Variants in SCO1 observed in about 807,000 individuals in gnomAD.
SCO1 encodes the protein synthesis of cytochrome C oxidase 1.
Under a neutral mutation model 34.0 loss-of-function variants are expected in SCO1, and 23 were observed. The ratio of observed to expected loss-of-function variants is 0.68; its 90% CI spans 0.49 to 0.96. The LOEUF (loss-of-function observed/expected upper bound fraction) is 0.96, where lower values mean the gene tolerates loss of function less well. Among genes scored for constraint, SCO1 ranks in the 40% least tolerant of loss-of-function variants. SCO1 has a pLI of 0.00. For missense variants in SCO1, 404 were observed against 381.6 expected (o/e 1.06, Z -0.49); for synonymous variants, 161 against 145.5 (o/e 1.11, Z -0.77).
chr17:10,697,147 T>C (rs968604512), intron 1 of SCO1, 88 bp downstream of exon 1: 8 of 1,247,800 alleles, frequency 6.4e-6, no homozygotes, highest in South Asian at 1.6e-5. Flanking sequence ...GGCGGAGTAG[T>C]GTCTGAGGTT....
chr17:10,693,039 C>T lies in SCO1; in HGVS notation c.365-78G>A, dbSNP rs147942830. 1,289 of 1,203,190 alleles carry T rather than the reference C, an allele frequency of 1.1e-3. 13 individuals carry two copies. The African/African-American group carries it at 0.013, about 13-fold the overall frequency. The allele number at this position is 1,203,190 out of a possible 1,614,324, so 74.5% of individuals were successfully genotyped here. On this transcript the variant is annotated intron_variant, in intron 2 of 5. Coordinates refer to ENST00000255390, the MANE Select transcript of SCO1 (RefSeq NM_004589.4). ...GGTACTCAAATACCTGACATATGGC[C>T]CGTACTATGCTACTCATGGTGGGGG...
At chr17:10,695,377 TC>T (rs1415372314) in intron 2 of SCO1, among the ~76,000 whole-genome samples, 2 of 152,224 alleles carry the variant, frequency 1.3e-5, no homozygotes, top group Non-Finnish European at 2.9e-5. Flanking sequence ...CCAGATTTCA[TC>T]TTGCCCAGTC....
Position 10,677,230 on chromosome 17 carries a change from C to G in SCO1, c.*3889G>C, listed in dbSNP as rs1256556118. 6.6e-6 allele frequency: 1 copy of G among 152,216 alleles called. No individual in the cohort carries two copies. The highest frequency in any genetic ancestry group is 2.4e-5 in the African/African-American group (1 of 41,432). 9.4% of individuals were successfully genotyped at this position (152,216 alleles called of 1,614,324 possible). On this transcript the variant is annotated 3_prime_UTR_variant, in exon 6 of 6. Coordinates refer to ENST00000255390, the MANE Select transcript of SCO1 (RefSeq NM_004589.4). ...ACTCAGGCTGGAGAATCGCTTGAAC[C>G]TGGGAGGCGGAGGTTGCAGTGAGCC...
intron 4 of SCO1, among the ~76,000 whole-genome samples, chr17:10,689,404 T>C (rs1270012032): frequency 1.3e-5 from 2 of 151,396 alleles, no homozygotes; most frequent in Non-Finnish European, 2.9e-5. Flanking sequence ...AAGATATGTA[T>C]TTGAATGTGT....
chr17:10,683,263 T>C (rs2074633498), intron 5 of SCO1, among the ~76,000 whole-genome samples: 1 of 152,170 alleles, frequency 6.6e-6, no homozygotes, highest in Non-Finnish European at 1.5e-5. Context: ...TATTCTACAG[T>C]ACTTGCTTTC....
rs562033579 is a variant in SCO1, at chr17:10,684,807, C to T, written c.771+1920G>A. Among the ~76,000 whole-genome samples, 11 of 152,366 alleles carry T rather than the reference C, an allele frequency of 7.2e-5. No homozygotes were observed. In the East Asian group the frequency reaches 2.1e-3, roughly 29 times the overall value. ...CTATAAAGACAGAAGTCCGGAAAGT[C>T]CTTTTCCTATGGTTTCCTCTTTTGG... On this transcript the variant is annotated intron_variant, in intron 5 of 5. Coordinates refer to ENST00000255390, the MANE Select transcript of SCO1 (RefSeq NM_004589.4).
Position 10,697,258 on chromosome 17 carries a change from A to C in SCO1, c.250T>G (p.Ser84Ala), listed in dbSNP as rs1301470340. ...ACCCCGGGCTTCGAGGGGCGCGTGG[A>C]GTCTCCGGGGCCCTTCTGCGACCAC... ...PPWSQKGPGD[S>A]TRPSKPGPVS... Residue 84 changes from serine (S) to alanine (A), a missense_variant, in exon 1 of 6, where the codon TCC (serine) becomes GCC (alanine). Coordinates refer to ENST00000255390, the MANE Select transcript of SCO1 (RefSeq NM_004589.4). 7 of 1,562,694 alleles carry C rather than the reference A, an allele frequency of 4.5e-6. No homozygotes were observed. Among genetic ancestry groups the C allele is most frequent in the Non-Finnish European group, 5.2e-6 (6 of 1,153,278 alleles).
In SCO1 at chr17:10,695,839, G is replaced by A; in HGVS notation, c.274-8C>T. On this transcript the variant is annotated splice_region_variant and splice_polypyrimidine_tract_variant and intron_variant, in intron 1 of 5. Transcript: ENST00000255390. ...AGACTTCCAGGAAACAGGCTACTGG[G>A]GCAGGGATTTCAAACATAAAAATTC... The A allele has an allele frequency of 6.2e-7, 1 of 1,606,348 alleles. No homozygotes were observed. The highest frequency in any genetic ancestry group is 1.1e-5 in the South Asian group (1 of 90,938).
At chr17:10,687,056 G>A (rs1024928995) in intron 4 of SCO1, among the ~76,000 whole-genome samples, 15 of 152,034 alleles carry the variant, frequency 9.9e-5, no homozygotes, top group African/African-American at 3.6e-4. Context: ...ATCTTTTTAT[G>A]ACTATCTAGT....
rs959698457 is a variant in SCO1, at chr17:10,678,509, G to A, written c.*2610C>T. On this transcript the variant is annotated 3_prime_UTR_variant, in exon 6 of 6. Transcript: ENST00000255390. The stretch of plus-strand genomic sequence containing the variant: ...CCTGCAACAGCTGAGAACGAAGACT[G>A]AATCTTATCTAAGAGCAAACTTGCT... 1 of 152,224 alleles carries A rather than the reference G, an allele frequency of 6.6e-6. No individual in the cohort carries two copies. The highest frequency in any genetic ancestry group is 2.4e-5 in the African/African-American group (1 of 41,464). 9.4% of individuals were successfully genotyped at this position (152,224 alleles called of 1,614,324 possible).
In SCO1 at chr17:10,686,849, A is replaced by AAAAAATGAGAGAGACAGTG. The variant is rs1427278485; in HGVS notation, c.656-26_656-8dup. 6.4e-7 allele frequency: 1 copy of AAAAAATGAGAGAGACAGTG among 1,572,506 alleles called. No individual in the cohort carries two copies. Among genetic ancestry groups the AAAAAATGAGAGAGACAGTG allele is most frequent in the African/African-American group, 1.3e-5 (1 of 74,142 alleles). ...ACCAGTTTGGGAGAAAATTCTAAAT[A>AAAAAATGAGAGAGACAGTG]AAAAATGAGAGAGACAGTGAAAAAT... is the stretch of plus-strand genomic sequence containing the variant. On this transcript the variant is annotated splice_polypyrimidine_tract_variant and splice_region_variant and intron_variant, in intron 4 of 5. Coordinates refer to ENST00000255390, the MANE Select transcript of SCO1 (RefSeq NM_004589.4).
Position 10,681,258 on chromosome 17 carries a change from A to G in SCO1, c.772-5T>C, listed in dbSNP as rs780162706. 8 of 1,613,920 alleles carry G rather than the reference A, an allele frequency of 5.0e-6. No individual in the cohort carries two copies. The highest frequency in any genetic ancestry group is 6.8e-6 in the Non-Finnish European group (8 of 1,179,976). On this transcript the variant is annotated splice_region_variant and splice_polypyrimidine_tract_variant and intron_variant, in intron 5 of 5. Transcript: ENST00000255390. ...CATTATTATTGTGTGATCCACCTGC[A>G]GAGAAAAGGGGGGAGAGTGTGACAA...
rs1017999251 is a variant in SCO1 at position 10,675,466 on chromosome 17, T to A, written c.*5653A>T. On this transcript the variant is annotated 3_prime_UTR_variant, in exon 6 of 6. Coordinates refer to ENST00000255390, the MANE Select transcript of SCO1 (RefSeq NM_004589.4). ...ACTCTTTTTCCCCTCTACTTTTCTTTTGGAGTTATAGGGTGCAAACAGTAA... is the reference window on the plus strand; with the variant it reads ...ACTCTTTTTCCCCTCTACTTTTCTTATGGAGTTATAGGGTGCAAACAGTAA... The A allele has an allele frequency of 6.6e-6, 1 of 152,236 alleles. No homozygotes were observed. Among genetic ancestry groups the A allele is most frequent in the African/African-American group, 2.4e-5 (1 of 41,460 alleles). The allele number at this position is 152,236 out of a possible 1,614,324, so 9.4% of individuals were successfully genotyped here.
chr17:10,696,134 G>C (rs556542710), intron 1 of SCO1, among the ~76,000 whole-genome samples: 5 of 139,236 alleles, frequency 3.6e-5, no homozygotes. Context: ...TGTGACCCTA[G>C]CTCCAGTAAT....
chr17:10,685,311 C>CA (rs1234707247), intron 5 of SCO1, among the ~76,000 whole-genome samples: 1 of 152,176 alleles, frequency 6.6e-6, no homozygotes, highest in East Asian at 1.9e-4. Context: ...ATAGAAAAAA[C>CA]AGAGTATGAC....
intron 4 of SCO1, among the ~76,000 whole-genome samples, chr17:10,687,454 A>G (rs1466351647): frequency 6.6e-6 from 1 of 152,244 alleles, no homozygotes; most frequent in Non-Finnish European, 1.5e-5. Flanking sequence ...GAACCGGTAG[A>G]GGTCACTTAA....
Position 10,693,586 on chromosome 17 carries a change from C to T in SCO1, c.365-625G>A, listed in dbSNP as rs145419030. Among the ~76,000 whole-genome samples the T allele has an allele frequency of 4.0e-3, 610 of 152,262 alleles. 8 individuals are homozygous for T. Among genetic ancestry groups the T allele is most frequent in the African/African-American group, 0.013 (537 of 41,534 alleles). ...ATGTACATAAATATATCTATTTTCT[C>T]ACCATGTCCACTGAGAGGACCAGGG... On this transcript the variant is annotated intron_variant, in intron 2 of 5. Transcript: ENST00000255390.
chr17:10,692,058 G>T, intron 3 of SCO1, 94 bp from the exon 4 acceptor site: 1 of 889,454 alleles, frequency 1.1e-6, no homozygotes. Context: ...GTGCTGGACA[G>T]CTAGGTGTTT....
chr17:10,676,946 T>C lies in SCO1; in HGVS notation c.*4173A>G, dbSNP rs2074584491. ...GGCTAAAGAGGCTATTACTTGAATC[T>C]TGTTAATGAATAGAAATAACCGTCC... is the stretch of plus-strand genomic sequence containing the variant. On this transcript the variant is annotated 3_prime_UTR_variant, in exon 6 of 6. Coordinates refer to ENST00000255390, the MANE Select transcript of SCO1 (RefSeq NM_004589.4). 1 of 152,240 alleles carries C rather than the reference T, an allele frequency of 6.6e-6. No individual in the cohort carries two copies. Among genetic ancestry groups the C allele is most frequent in the Non-Finnish European group, 1.5e-5 (1 of 68,054 alleles). 9.4% of individuals were successfully genotyped at this position (152,240 alleles called of 1,614,324 possible). A position where few individuals can be genotyped will look rare whatever the true frequency, so the allele number is the denominator to read the frequency against.
Sources: allele counts gnomAD v4.1 joint callset (sites outside exome capture counted in the v4.1 genomes callset), GRCh38; gene constraint gnomAD v4.1.1; transcripts MANE v1.5; gene names NCBI Gene and HGNC (gene_info 2026-07-23, HGNC 2026-07-21).